Variants in SRPK2 observed in about 807,000 individuals in gnomAD.
SRPK2 encodes the protein SFRS protein kinase 2.
SRPK2 carries 21 observed loss-of-function variants against 90.8 expected under a neutral mutation model. That is an observed-to-expected ratio of 0.23 (90% CI 0.16 to 0.33). The LOEUF is 0.33. SRPK2 is among the 10% of genes least tolerant of loss of function. SRPK2 has a pLI of 1.00. For synonymous variants in SRPK2, 288 were observed against 311.1 expected (o/e 0.93, Z 0.78); for missense variants, 620 against 869.0 (o/e 0.71, Z 3.60).
chr7:105,251,804 T>C (rs1395376657), intron 2 of SRPK2, among the ~76,000 whole-genome samples: 1 of 152,156 alleles, frequency 6.6e-6, no homozygotes, highest in Non-Finnish European at 1.5e-5. Context: ...GAAATTTGAA[T>C]CCAAATTTGG....
intron 3 of SRPK2, among the ~76,000 whole-genome samples, chr7:105,181,143 A>G (rs540682340): frequency 7.4e-4 from 112 of 152,338 alleles, no homozygotes; most frequent in Non-Finnish European, 1.3e-3. Context: ...ATCATTAGAG[A>G]AATGCAAATT....
chr7:105,346,694 G>A (rs1563266672), intron 2 of SRPK2, among the ~76,000 whole-genome samples: 1 of 151,794 alleles, frequency 6.6e-6, no homozygotes, highest in Non-Finnish European at 1.5e-5. Context: ...GGCAGAGGAG[G>A]TTGCAGTGAG....
chr7:105,198,493 T>C (rs1009244468), intron 3 of SRPK2, among the ~76,000 whole-genome samples: 10 of 152,186 alleles, frequency 6.6e-5, no homozygotes, highest in African/African-American at 2.4e-4. Flanking sequence ...CTACAGCTTG[T>C]GCCCAGACAA....
At chr7:105,159,671 C>A (rs758282955) in intron 7 of SRPK2, among the ~76,000 whole-genome samples, 5 of 152,070 alleles carry the variant, frequency 3.3e-5, no homozygotes, top group Admixed American at 3.3e-4. Flanking sequence ...AGGAGTTCTT[C>A]CATCTACGCA....
intron 2 of SRPK2, among the ~76,000 whole-genome samples, chr7:105,334,094 A>AT (rs1242827591): frequency 3.5e-5 from 5 of 141,218 alleles, no homozygotes; most frequent in Non-Finnish European, 6.2e-5. Flanking sequence ...TTTATTTTTT[A>AT]TTTTTTGAGA....
chr7:105,366,167 A>C (rs1244583221), intron 2 of SRPK2, among the ~76,000 whole-genome samples: 1 of 151,428 alleles, frequency 6.6e-6, no homozygotes, highest in Admixed American at 6.6e-5. Context: ...GATTTTCTTA[A>C]TGGTGTCTGG....
intron 2 of SRPK2, among the ~76,000 whole-genome samples, chr7:105,339,371 T>C (rs985757853): frequency 6.6e-6 from 1 of 152,204 alleles, no homozygotes; most frequent in African/African-American, 2.4e-5. Flanking sequence ...TAAGCACTTA[T>C]TAATTATCTG....
chr7:105,383,245 T>A (rs1237404638), intron 2 of SRPK2, among the ~76,000 whole-genome samples: 3 of 151,142 alleles, frequency 2.0e-5, no homozygotes, highest in African/African-American at 7.3e-5. Context: ...TTTGTATTTT[T>A]TTTTTTAGTA....
At chr7:105,336,132 A>G (rs1374273359) in intron 2 of SRPK2, among the ~76,000 whole-genome samples, 1 of 152,204 alleles carries the variant, frequency 6.6e-6, no homozygotes, top group African/African-American at 2.4e-5. Context: ...AAATTTGGAT[A>G]TTGATTTGTT....
intron 2 of SRPK2, among the ~76,000 whole-genome samples, chr7:105,262,919 T>C (rs1455532448): frequency 6.6e-6 from 1 of 152,092 alleles, no homozygotes; most frequent in East Asian, 1.9e-4. Context: ...AAGTATAGAG[T>C]GGTACATTCA....
At chr7:105,300,564 ATGACC>A (rs985992406) in intron 2 of SRPK2, among the ~76,000 whole-genome samples, 1 of 152,226 alleles carries the variant, frequency 6.6e-6, no homozygotes, top group African/African-American at 2.4e-5. Flanking sequence ...AAAATTAAAA[ATGACC>A]TGAGTACAAC....
At chr7:105,290,026 T>C (rs1487089839) in intron 2 of SRPK2, among the ~76,000 whole-genome samples, 2 of 152,034 alleles carry the variant, frequency 1.3e-5, no homozygotes, top group Non-Finnish European at 2.9e-5. Flanking sequence ...ACACACAGCA[T>C]GTATCAACTA....
At chr7:105,255,815 C>A (rs1043446145) in intron 2 of SRPK2, among the ~76,000 whole-genome samples, 3 of 151,776 alleles carry the variant, frequency 2.0e-5, no homozygotes, top group Non-Finnish European at 2.9e-5. Flanking sequence ...ACCTGTAATC[C>A]CAGCTACTCA....
Position 105,152,100 on chromosome 7 carries a change from G to A in SRPK2, c.622-5442C>T, listed in dbSNP as rs184122067. On this transcript the variant is annotated intron_variant, in intron 7 of 15. Transcript: ENST00000393651. ...ATAAAAGGACTATACTTGATAACCC[G>A]TATGGTACATCCCAGCAACAAAACT... is the stretch of plus-strand genomic sequence containing the variant. Among the ~76,000 whole-genome samples the A allele has an allele frequency of 1.3e-3, 203 of 151,330 alleles. 1 individual carries two copies. The highest frequency in any genetic ancestry group is 4.4e-3 in the African/African-American group (182 of 41,256).
intron 2 of SRPK2, among the ~76,000 whole-genome samples, chr7:105,266,619 G>C (rs67529088): frequency 0.43 from 65,753 of 151,812 alleles, 15,609 homozygotes; most frequent in South Asian, 0.54. Context: ...CTAAGATTTA[G>C]AGCACCATGC....
At chr7:105,181,395 A>G (rs982528293) in intron 3 of SRPK2, among the ~76,000 whole-genome samples, 9 of 152,198 alleles carry the variant, frequency 5.9e-5, no homozygotes, top group African/African-American at 2.2e-4. Context: ...AAACTGTTCT[A>G]CTGTAAAGAC....
chr7:105,301,010 T>C (rs1230498051), intron 2 of SRPK2, among the ~76,000 whole-genome samples: 3 of 152,144 alleles, frequency 2.0e-5, no homozygotes, highest in Non-Finnish European at 4.4e-5. Context: ...AGCAATCCCA[T>C]TACTGGGTAT....
intron 2 of SRPK2, among the ~76,000 whole-genome samples, chr7:105,248,106 G>A (rs1214211285): frequency 6.6e-6 from 1 of 152,102 alleles, no homozygotes; most frequent in Non-Finnish European, 1.5e-5. Flanking sequence ...GCCCGCCTCG[G>A]CCTCCCAAAC....
chr7:105,327,791 A>C (rs1435083452), intron 2 of SRPK2, among the ~76,000 whole-genome samples: 1 of 152,150 alleles, frequency 6.6e-6, no homozygotes, highest in Non-Finnish European at 1.5e-5. Context: ...AATTTATAGG[A>C]GTTTTTTTGT....
Sources: allele counts gnomAD v4.1 joint callset (sites outside exome capture counted in the v4.1 genomes callset), GRCh38; gene constraint gnomAD v4.1.1; transcripts MANE v1.5; gene names NCBI Gene and HGNC (gene_info 2026-07-23, HGNC 2026-07-21).